TWIST1: variants seen among roughly 807,000 people sequenced by gnomAD.
TWIST1 encodes the protein twist family bHLH transcription factor 1, also known as twist-related protein 1.
In TWIST1, 8 loss-of-function variants were observed where a neutral mutation model predicts 12.9. The ratio of observed to expected loss-of-function variants is 0.62; its 90% CI spans 0.37 to 1.12. The LOEUF (loss-of-function observed/expected upper bound fraction) is 1.12. Among genes scored for constraint, TWIST1 ranks in the 50% most tolerant of loss-of-function variants. TWIST1 has a pLI of 0.02. For missense variants in TWIST1, 268 were observed against 299.7 expected (o/e 0.89, Z 0.78); for synonymous variants, 169 against 138.7 (o/e 1.22, Z -1.54).
chr7:19,114,995 T>C (rs138498449), downstream of TWIST1, among the ~76,000 whole-genome samples: 2 of 152,250 alleles, frequency 1.3e-5, no homozygotes, highest in Non-Finnish European at 2.9e-5. Flanking sequence ...TTATTTTCTA[T>C]GCATTTCTGG....
In TWIST1 at chr7:19,116,764, G is replaced by A; in HGVS notation, c.558C>T (p.Ala186=). The A allele has an allele frequency of 2.5e-6, 4 of 1,613,588 alleles. No individual in the cohort carries two copies. Among genetic ancestry groups the A allele is most frequent in the Non-Finnish European group, 3.4e-6 (4 of 1,179,806 alleles). Residue 186 remains alanine, a synonymous_variant, in exon 1 of 2, where the codon GCC becomes GCT. Transcript: ENST00000242261. ...CCCCCTCCATCCTCCAGACCGAGAA[G>A]GCGTAGCTGAGCCGCTCGTGAGCCA... ...SYVAHERLSY[A]FSVWRMEGAW...
chr7:19,117,445 CAGG>C lies in TWIST1; in HGVS notation c.-127_-125del. 8.3e-7 allele frequency: 1 copy of C among 1,197,734 alleles called. No homozygotes were observed. Among genetic ancestry groups the C allele is most frequent in the Non-Finnish European group, 1.0e-6 (1 of 961,738 alleles). The allele number at this position is 1,197,734 out of a possible 1,614,324, so 74.2% of individuals were successfully genotyped here. A position where few individuals can be genotyped will look rare whatever the true frequency, so the allele number is the denominator to read the frequency against. ...GCGATGCGGCCCGCGGAGGAGAGAG[CAGG>C]AGGACGGACGGGAGGGACCTCCGCG... is the stretch of plus-strand genomic sequence containing the variant. On this transcript the variant is annotated 5_prime_UTR_variant, in exon 1 of 2. Transcript: ENST00000242261.
chr7:19,117,440 G>A lies in TWIST1; in HGVS notation c.-119C>T. On this transcript the variant is annotated 5_prime_UTR_variant, in exon 1 of 2. Transcript: ENST00000242261. ...CCCGGGCGATGCGGCCCGCGGAGGA[G>A]AGAGCAGGAGGACGGACGGGAGGGA... 8.3e-7 allele frequency: 1 copy of A among 1,199,768 alleles called. No individual in the cohort carries two copies. 74.3% of individuals were successfully genotyped at this position (1,199,768 alleles called of 1,614,324 possible).
rs1297646495 is a variant in TWIST1 at position 19,115,989 on chromosome 7, T to C, written c.*185A>G. On this transcript the variant is annotated 3_prime_UTR_variant, in exon 2 of 2. Coordinates refer to ENST00000242261, the MANE Select transcript of TWIST1 (RefSeq NM_000474.4). Reference sequence around the variant, plus strand: ...CCTGTCTCGCTTTCTCTTTTAAAAGTGCGCCCCACGCCCTGTTTCTTTGAA... The same window carrying C: ...CCTGTCTCGCTTTCTCTTTTAAAAGCGCGCCCCACGCCCTGTTTCTTTGAA... 1 of 152,488 alleles carries C rather than the reference T, an allele frequency of 6.6e-6. No individual in the cohort carries two copies. Among genetic ancestry groups the C allele is most frequent in the Non-Finnish European group, 1.5e-5 (1 of 68,020 alleles). 9.4% of individuals were successfully genotyped at this position (152,488 alleles called of 1,614,324 possible). A position where few individuals can be genotyped will look rare whatever the true frequency, so the allele number is the denominator to read the frequency against.
rs1304750415 is a variant in TWIST1, at chr7:19,115,587, C to CAATA, written c.*583_*586dup. On this transcript the variant is annotated 3_prime_UTR_variant, in exon 2 of 2. Transcript: ENST00000242261. ...CTATTTGCATTTTACCATGGGTCCT[C>CAATA]AATAAATAAATAGAATGTTGTTTTT... The CAATA allele has an allele frequency of 6.6e-6, 1 of 152,124 alleles. No homozygotes were observed. The allele number at this position is 152,124 out of a possible 1,614,324, so 9.4% of individuals were successfully genotyped here.
At position 19,116,613 on chromosome 7, in the gene TWIST1, T is replaced by C. The variant is rs1788571886; in HGVS notation, c.*42+58A>G. 3.6e-6 allele frequency: 5 copies of C among 1,381,464 alleles called. No individual in the cohort carries two copies. The Admixed American group carries it at 1.0e-4, about 29-fold the overall frequency. 85.6% of individuals were successfully genotyped at this position (1,381,464 alleles called of 1,614,324 possible). A position where few individuals can be genotyped will look rare whatever the true frequency, so the allele number is the denominator to read the frequency against. Reference sequence around the variant, plus strand: ...TCGAGGTGGACTGGGAACCGCGGCCTGGCCGGCCTGCCGTCTGCCACCTGA... The same window carrying C: ...TCGAGGTGGACTGGGAACCGCGGCCCGGCCGGCCTGCCGTCTGCCACCTGA... On this transcript the variant is annotated intron_variant, in intron 1 of 1. Coordinates refer to ENST00000242261, the MANE Select transcript of TWIST1 (RefSeq NM_000474.4).
At chr7:19,114,498 C>G (rs1271513250), downstream of TWIST1, among the ~76,000 whole-genome samples, 2 of 152,154 alleles carry the variant, frequency 1.3e-5, no homozygotes, top group Non-Finnish European at 2.9e-5. Flanking sequence ...AGAACTGATA[C>G]AAAATCACTA....
In TWIST1 at chr7:19,117,064, GC is replaced by G; in HGVS notation, c.257del (p.Gly86AlafsTer39). The G allele has an allele frequency of 2.2e-6, 3 of 1,376,980 alleles. No homozygotes were observed. Among genetic ancestry groups the G allele is most frequent in the Non-Finnish European group, 2.8e-6 (3 of 1,072,596 alleles). 85.3% of individuals were successfully genotyped at this position (1,376,980 alleles called of 1,614,324 possible). A position where few individuals can be genotyped will look rare whatever the true frequency, so the allele number is the denominator to read the frequency against. ...TGCTGCTGCCGCCGCCGCCGCCCGC[GC>G]CGCCGCCGCCGCCACAGCCCGCAGA... ...KKSAGCGGGG[G>X]AGGGGGSSSG... On this transcript the variant is annotated frameshift_variant, in exon 1 of 2. Transcript: ENST00000242261. LOFTEE classifies it high-confidence loss of function.
At position 19,116,706 on chromosome 7, in the gene TWIST1, C is replaced by T; in HGVS notation, c.*7G>A. ...GGCCCTGCTGAGGGGGTGGGGGGCT[C>T]CGCCTGCTAGTGGGACGCGGACATG... On this transcript the variant is annotated 3_prime_UTR_variant, in exon 1 of 2. Transcript: ENST00000242261. The T allele has an allele frequency of 1.3e-6, 2 of 1,598,656 alleles. No individual in the cohort carries two copies. Among genetic ancestry groups the T allele is most frequent in the Non-Finnish European group, 1.7e-6 (2 of 1,173,344 alleles).
rs896987783 is a variant in TWIST1, at chr7:19,117,475, G to A, written c.-154C>T. 8.4e-7 allele frequency: 1 copy of A among 1,190,648 alleles called. No individual in the cohort carries two copies. Among genetic ancestry groups the A allele is most frequent in the Non-Finnish European group, 1.0e-6 (1 of 955,300 alleles). 73.8% of individuals were successfully genotyped at this position (1,190,648 alleles called of 1,614,324 possible). A position where few individuals can be genotyped will look rare whatever the true frequency, so the allele number is the denominator to read the frequency against. On this transcript the variant is annotated 5_prime_UTR_variant, in exon 1 of 2. Transcript: ENST00000242261. ...GGACGGACGGGAGGGACCTCCGCGGGGAGGGCGCGCGGGGGAGGCGGGGAG... is the reference window on the plus strand; with the variant it reads ...GGACGGACGGGAGGGACCTCCGCGGAGAGGGCGCGCGGGGGAGGCGGGGAG...
At chr7:19,114,660 TTC>T (rs754079107), downstream of TWIST1, among the ~76,000 whole-genome samples, 1 of 152,144 alleles carries the variant, frequency 6.6e-6, no homozygotes, top group Admixed American at 6.5e-5. Flanking sequence ...CAGGGAAAAA[TTC>T]TGTGTAATTC....
At position 19,117,384 on chromosome 7, in the gene TWIST1, G is replaced by A. The variant is rs1563160494; in HGVS notation, c.-63C>T. 10 of 1,342,942 alleles carry A rather than the reference G, an allele frequency of 7.4e-6. No individual in the cohort carries two copies. Among genetic ancestry groups the A allele is most frequent in the Admixed American group, 3.2e-5 (1 of 31,274 alleles). 83.2% of individuals were successfully genotyped at this position (1,342,942 alleles called of 1,614,324 possible). On this transcript the variant is annotated 5_prime_UTR_variant, in exon 1 of 2. Coordinates refer to ENST00000242261, the MANE Select transcript of TWIST1 (RefSeq NM_000474.4). ...CAGAGGAGAAGAGCGGGGCGCCTCA[G>A]CCCGCCAGCTTCCCCCGCGCGCGGC...
downstream of TWIST1, among the ~76,000 whole-genome samples, chr7:19,114,926 A>C (rs146381514): frequency 1.3e-3 from 201 of 152,360 alleles, 2 homozygotes; most frequent in African/African-American, 4.5e-3. Flanking sequence ...ATATTCATTC[A>C]TGAGAGAAGA....
At chr7:19,116,308 G>A (rs1788564129) in intron 1 of TWIST1, among the ~76,000 whole-genome samples, 177 bp from the exon 2 acceptor site, 3 of 152,240 alleles carry the variant, frequency 2.0e-5, no homozygotes, top group South Asian at 4.2e-4. Context: ...AGGAGGAGGT[G>A]GAATTTGTTT....
At position 19,117,545 on chromosome 7, in the gene TWIST1, A is replaced by G. The variant is rs13309040; in HGVS notation, c.-224T>C. On this transcript the variant is annotated 5_prime_UTR_variant, in exon 1 of 2. Coordinates refer to ENST00000242261, the MANE Select transcript of TWIST1 (RefSeq NM_000474.4). Reference sequence around the variant, plus strand: ...GACGGTGTGGATGGCCCCGAGGTCCAAAAAGAAAGCGCCCAACGGCTGGAC... The same window carrying G: ...GACGGTGTGGATGGCCCCGAGGTCCGAAAAGAAAGCGCCCAACGGCTGGAC... 5.2e-6 allele frequency: 6 copies of G among 1,150,038 alleles called. No individual in the cohort carries two copies. Among genetic ancestry groups the G allele is most frequent in the South Asian group, 3.5e-5 (1 of 28,820 alleles). The allele number at this position is 1,150,038 out of a possible 1,614,324, so 71.2% of individuals were successfully genotyped here. A position where few individuals can be genotyped will look rare whatever the true frequency, so the allele number is the denominator to read the frequency against.
In TWIST1 at chr7:19,116,688, C is replaced by T. The variant is rs537671443; in HGVS notation, c.*25G>A. On this transcript the variant is annotated 3_prime_UTR_variant, in exon 1 of 2. Coordinates refer to ENST00000242261, the MANE Select transcript of TWIST1 (RefSeq NM_000474.4). ...GTCCTTACCTAGGTCTCCGGCCCTG[C>T]TGAGGGGGTGGGGGGCTCCGCCTGC... The T allele has an allele frequency of 1.5e-5, 24 of 1,581,694 alleles. No homozygotes were observed. The highest frequency in any genetic ancestry group is 4.6e-5 in the East Asian group (2 of 43,130).
Position 19,117,344 on chromosome 7 carries a change from C to G in TWIST1, c.-23G>C, listed in dbSNP as rs1325177830. 1 of 1,442,148 alleles carries G rather than the reference C, an allele frequency of 6.9e-7. No homozygotes were observed. Among genetic ancestry groups the G allele is most frequent in the African/African-American group, 1.5e-5 (1 of 67,262 alleles). The allele number at this position is 1,442,148 out of a possible 1,614,324, so 89.3% of individuals were successfully genotyped here. On this transcript the variant is annotated 5_prime_UTR_variant, in exon 1 of 2. Transcript: ENST00000242261. ...CATCTCTCGAGCGGCGACGCGTGGC[C>G]TCGCGGGCCCGGGGCAGAGGAGAAG...
chr7:19,117,276 T>C lies in TWIST1; in HGVS notation c.46A>G (p.Ser16Gly), dbSNP rs767564383. The C allele has an allele frequency of 2.7e-6, 4 of 1,475,420 alleles. No homozygotes were observed. The highest frequency in any genetic ancestry group is 2.5e-5 in the South Asian group (2 of 79,164). The allele number at this position is 1,475,420 out of a possible 1,614,324, so 91.4% of individuals were successfully genotyped here. ...GGCTCTTCCTCGCTGTTGCTCAGGCTGTCGTCGGCCGGCGAGACTGGCGAG... is the reference window on the plus strand; with the variant it reads ...GGCTCTTCCTCGCTGTTGCTCAGGCCGTCGTCGGCCGGCGAGACTGGCGAG... ...SSSPVSPADD[S>G]LSNSEEEPDR... Residue 16 changes from serine to glycine, a missense_variant, in exon 1 of 2, where the codon AGC becomes GGC. Around this residue, in one of 2 missense-constraint regions of TWIST1, gnomAD observed 189 missense variants for 172.1 expected, o/e 1.10. Transcript: ENST00000242261.
In TWIST1 at chr7:19,117,465, A is replaced by C. The variant is rs1177248535; in HGVS notation, c.-144T>G. ...GAGAGCAGGAGGACGGACGGGAGGG[A>C]CCTCCGCGGGGAGGGCGCGCGGGGG... On this transcript the variant is annotated 5_prime_UTR_variant, in exon 1 of 2. Transcript: ENST00000242261. The C allele has an allele frequency of 2.2e-5, 26 of 1,181,896 alleles. No homozygotes were observed. The highest frequency in any genetic ancestry group is 2.7e-5 in the Non-Finnish European group (26 of 951,018). The allele number at this position is 1,181,896 out of a possible 1,614,324, so 73.2% of individuals were successfully genotyped here.
Sources: allele counts gnomAD v4.1 joint callset (sites outside exome capture counted in the v4.1 genomes callset), GRCh38; gene constraint gnomAD v4.1.1; regional missense constraint gnomAD v4.1.1; transcripts MANE v1.5; gene names NCBI Gene and HGNC (gene_info 2026-07-23, HGNC 2026-07-21).